GRAMD2B: variants seen among roughly 807,000 people sequenced by gnomAD.
GRAMD2B encodes GRAM domain-containing protein 2B.
In GRAMD2B, 41 loss-of-function variants were observed where a neutral mutation model predicts 59.2. That is an observed-to-expected ratio of 0.69 (90% confidence interval 0.54 to 0.90). The LOEUF is 0.90. Ranked by LOEUF, GRAMD2B falls within the 40% of genes least tolerant of loss-of-function variation. GRAMD2B has a pLI of 0.00. For missense variants in GRAMD2B, 424 were observed against 500.5 expected (o/e 0.85, Z 1.46); for synonymous variants, 161 against 182.7 (o/e 0.88, Z 0.96).
intron 1 of GRAMD2B, among the ~76,000 whole-genome samples, chr5:126,455,361 C>A (rs1766091808): frequency 6.6e-6 from 1 of 152,152 alleles, no homozygotes; most frequent in Non-Finnish European, 1.5e-5. Flanking sequence ...CTAAAAGTAG[C>A]CTTCCCTCAT....
chr5:126,453,172 T>G (rs1244574980), intron 1 of GRAMD2B, among the ~76,000 whole-genome samples: 1 of 151,924 alleles, frequency 6.6e-6, no homozygotes. Context: ...CTGTCTCTAT[T>G]AAAAATACAA....
At chr5:126,422,361 G>A (rs1442413165), upstream of GRAMD2B, among the ~76,000 whole-genome samples, 7 of 152,032 alleles carry the variant, frequency 4.6e-5, no homozygotes, top group Admixed American at 4.6e-4. Flanking sequence ...ACCTCACCCA[G>A]CTAATTTTTG....
chr5:126,371,190 G>T, upstream of GRAMD2B: 1 of 489,976 alleles, frequency 2.0e-6, no homozygotes, highest in Non-Finnish European at 2.7e-6. Flanking sequence ...ACTAAAAGTT[G>T]AATTTCCCAA....
Position 126,423,488 on chromosome 5 carries a change from G to A in GRAMD2B, c.-119G>A. 1 of 1,519,496 alleles carries A rather than the reference G, an allele frequency of 6.6e-7. No homozygotes were observed. The highest frequency in any genetic ancestry group is 8.8e-7 in the Non-Finnish European group (1 of 1,136,558). The allele number at this position is 1,519,496 out of a possible 1,614,324, so 94.1% of individuals were successfully genotyped here. ...CCGGCCTGGATGCGCTGGGCGGAGGGTGCAGGGGAGGGCACGGCGCCGCTT... is the reference window on the plus strand; with the variant it reads ...CCGGCCTGGATGCGCTGGGCGGAGGATGCAGGGGAGGGCACGGCGCCGCTT... On this transcript the variant is annotated 5_prime_UTR_variant, in exon 1 of 14. The change creates a new upstream start codon in the 5' untranslated region. Coordinates refer to ENST00000285689, the MANE Select transcript of GRAMD2B (RefSeq NM_023927.4).
chr5:126,483,437 GT>G (rs1254665227), intron 8 of GRAMD2B, 25 bp from the exon 9 acceptor site: 2 of 1,415,222 alleles, frequency 1.4e-6, no homozygotes, highest in African/African-American at 2.8e-5. Context: ...ATATCAGCCT[GT>G]CTTCATTTCA....
chr5:126,371,233 G>A (rs969162722), upstream of GRAMD2B: 5 of 876,324 alleles, frequency 5.7e-6, no homozygotes, highest in East Asian at 5.4e-4. Flanking sequence ...AACATAGGTA[G>A]GATGAAAACC....
At chr5:126,427,635 T>C (rs946044326) in intron 1 of GRAMD2B, among the ~76,000 whole-genome samples, 4 of 152,222 alleles carry the variant, frequency 2.6e-5, no homozygotes, top group Non-Finnish European at 4.4e-5. Context: ...TTATTTTTAG[T>C]ATATATTTTT....
At chr5:126,456,011 A>T (rs1766215554) in intron 1 of GRAMD2B, among the ~76,000 whole-genome samples, 1 of 152,262 alleles carries the variant, frequency 6.6e-6, no homozygotes, top group African/African-American at 2.4e-5. Context: ...TAGGTTTTAC[A>T]CATAGTAACA....
chr5:126,477,773 A>G lies in GRAMD2B; in HGVS notation c.568A>G (p.Thr190Ala). 1 of 1,604,926 alleles carries G rather than the reference A, an allele frequency of 6.2e-7. No individual in the cohort carries two copies. Among genetic ancestry groups the G allele is most frequent in the Non-Finnish European group, 8.5e-7 (1 of 1,171,652 alleles). The change falls in exon 6 of 14, where the codon ACA becomes GCA. Residue 190 changes from threonine (T) to alanine (A), a missense_variant. Coordinates refer to ENST00000285689, the MANE Select transcript of GRAMD2B (RefSeq NM_023927.4). The stretch of plus-strand genomic sequence containing the variant: ...AGTGCCAAACGCCCTGATCATAGCA[A>G]CAGTCACAGACAGGGTGAGTATGCA... ...LLVPNALIIA[T>A]VTDRYIFVSL...
chr5:126,409,619 T>G (rs1315764239), intron 1 of GRAMD2B, among the ~76,000 whole-genome samples: 6 of 152,268 alleles, frequency 3.9e-5, no homozygotes, highest in Admixed American at 2.0e-4. Context: ...TTGCGAAAAT[T>G]TTCTCCCATT....
chr5:126,480,877 C>T (rs1033849974), intron 8 of GRAMD2B, 170 bp downstream of exon 8: 43 of 608,868 alleles, frequency 7.1e-5, no homozygotes, highest in Non-Finnish European at 1.2e-4. Context: ...ACCATAGTAG[C>T]CATAAACTTT....
rs769139344 is a variant in GRAMD2B at position 126,413,636 on chromosome 5, T to G, written c.125+42069T>G. Among the ~76,000 whole-genome samples the G allele has an allele frequency of 6.6e-4, 100 of 152,212 alleles. 2 individuals carry two copies. Among genetic ancestry groups the G allele is most frequent in the Admixed American group, 3.9e-4 (6 of 15,274 alleles). On this transcript the variant is annotated intron_variant, in intron 1 of 8. Transcript: ENST00000506445. ...GGTCCAATTAGTCAAGTGTCGAATTTAAGTCCAGAAATGTCTTTGTTAGTT... is the reference window on the plus strand; with the variant it reads ...GGTCCAATTAGTCAAGTGTCGAATTGAAGTCCAGAAATGTCTTTGTTAGTT...
intron 1 of GRAMD2B, among the ~76,000 whole-genome samples, chr5:126,373,287 T>C (rs1255981077): frequency 6.6e-6 from 1 of 152,206 alleles, no homozygotes; most frequent in Non-Finnish European, 1.5e-5. Context: ...CAGGCACACA[T>C]TGGTTAAATC....
intron 1 of GRAMD2B, among the ~76,000 whole-genome samples, chr5:126,451,937 C>T (rs1765452491): frequency 6.6e-6 from 1 of 152,078 alleles, no homozygotes; most frequent in African/African-American, 2.4e-5. Context: ...CCCACTCTCA[C>T]CATGGGATGT....
At chr5:126,423,182 A>G (rs1759936414), upstream of GRAMD2B, 1 of 1,003,550 alleles carries the variant, frequency 1.0e-6, no homozygotes, top group African/African-American at 1.7e-5. Context: ...TCCCCCTGTT[A>G]CAGTCGGGAT....
intron 1 of GRAMD2B, among the ~76,000 whole-genome samples, chr5:126,394,668 C>A (rs1279143018): frequency 6.6e-6 from 1 of 152,216 alleles, no homozygotes; most frequent in East Asian, 1.9e-4. Context: ...TGGCTCTACA[C>A]ACGTGAGTGA....
At chr5:126,392,838 C>T (rs1357590160) in intron 1 of GRAMD2B, among the ~76,000 whole-genome samples, 3 of 152,074 alleles carry the variant, frequency 2.0e-5, no homozygotes, top group East Asian at 1.9e-4. Flanking sequence ...ATGTGCAGTT[C>T]GCAATAGGGT....
In GRAMD2B at chr5:126,383,173, A is replaced by G. The variant is rs575622924; in HGVS notation, c.125+11606A>G. On this transcript the variant is annotated intron_variant, in intron 1 of 8. Transcript: ENST00000506445. ...TTTCATGGACATTTATTTTGGATGA[A>G]TTTAGCTTAAAGTCCTCACTTTCAT... Among the ~76,000 whole-genome samples the G allele has an allele frequency of 2.0e-5, 3 of 152,312 alleles. No homozygotes were observed. In the South Asian group the frequency reaches 6.2e-4, roughly 32 times the overall value.
intron 4 of GRAMD2B, 55 bp downstream of exon 4, chr5:126,472,359 A>G: frequency 7.0e-7 from 1 of 1,432,938 alleles, no homozygotes; most frequent in Non-Finnish European, 9.8e-7. Flanking sequence ...GTTGATCATT[A>G]GTTTTGGGGA....
Sources: allele counts gnomAD v4.1 joint callset (sites outside exome capture counted in the v4.1 genomes callset), GRCh38; gene constraint gnomAD v4.1.1; transcripts MANE v1.5; gene names NCBI Gene and HGNC (gene_info 2026-07-23, HGNC 2026-07-21).